ANKRD36B: variants seen among roughly 807,000 people sequenced by gnomAD.
The protein encoded by ANKRD36B is ankyrin repeat domain-containing protein 36B.
ANKRD36B carries 37 observed loss-of-function variants against 135.7 expected under a neutral mutation model. The observed-to-expected ratio is 0.27, with a 90% CI of 0.21 to 0.36. The LOEUF is 0.36. Among genes scored for constraint, ANKRD36B ranks in the 10% least tolerant of loss-of-function variants. The probability of loss-of-function intolerance (pLI) is 1.00; values close to 1 mark genes in which losing one functional copy is unlikely to be tolerated. For missense variants in ANKRD36B, 549 were observed against 1,037.1 expected (o/e 0.53, Z 6.46); for synonymous variants, 179 against 348.1 (o/e 0.51, Z 5.41).
intron 8 of ANKRD36B, among the ~76,000 whole-genome samples, chr2:97,559,966 C>G (rs1318679090): frequency 6.6e-6 from 1 of 151,850 alleles, no homozygotes; most frequent in African/African-American, 2.4e-5. Context: ...GTAAAGTCAA[C>G]AAAACATGTA....
chr2:97,559,903 C>G (rs923509772), intron 8 of ANKRD36B, among the ~76,000 whole-genome samples: 5 of 151,816 alleles, frequency 3.3e-5, no homozygotes, highest in Non-Finnish European at 5.9e-5. Flanking sequence ...AGAGTAAGCT[C>G]CTTGAACAAG....
intron 4 of ANKRD36B, among the ~76,000 whole-genome samples, chr2:97,580,094 G>A (rs1477536013): frequency 6.6e-6 from 1 of 152,176 alleles, no homozygotes; most frequent in Non-Finnish European, 1.5e-5. Flanking sequence ...AAACTAACAT[G>A]AAACCCCTTT....
chr2:97,563,640 G>A (rs75723101), intron 6 of ANKRD36B, among the ~76,000 whole-genome samples: 132 of 151,850 alleles, frequency 8.7e-4, no homozygotes, highest in Middle Eastern at 3.4e-3. Context: ...TTTGACCATC[G>A]GCCATTTCCT....
At chr2:97,547,384 A>T (rs1468354038) in intron 22 of ANKRD36B, 152 bp downstream of exon 22, 2 of 960,536 alleles carry the variant, frequency 2.1e-6, no homozygotes, top group Non-Finnish European at 3.0e-6. Context: ...CAGCAGCAAC[A>T]CTATCACCCA....
intron 6 of ANKRD36B, among the ~76,000 whole-genome samples, chr2:97,563,921 C>T (rs2442261): frequency 6.6e-6 from 1 of 152,080 alleles, no homozygotes; most frequent in Non-Finnish European, 1.5e-5. Flanking sequence ...AATATGCTGC[C>T]ATCATCACAT....
chr2:97,579,969 C>T (rs2082512588), intron 4 of ANKRD36B, among the ~76,000 whole-genome samples: 1 of 152,290 alleles, frequency 6.6e-6, no homozygotes, highest in East Asian at 1.9e-4. Flanking sequence ...TAAACCCAGT[C>T]CTGTGTGAAC....
intron 6 of ANKRD36B, among the ~76,000 whole-genome samples, chr2:97,575,157 T>G (rs944538509): frequency 1.1e-4 from 17 of 152,050 alleles, no homozygotes; most frequent in Non-Finnish European, 2.2e-4. Context: ...ACTCCTCTCC[T>G]ACTTTTCTCT....
At chr2:97,546,206 G>C (rs1576910329) in intron 22 of ANKRD36B, among the ~76,000 whole-genome samples, 1 of 151,694 alleles carries the variant, frequency 6.6e-6, no homozygotes, top group Admixed American at 6.6e-5. Context: ...CAATGTCAAA[G>C]CAGGTGCTAC....
At chr2:97,526,541 A>G (rs1258663879) in intron 35 of ANKRD36B, among the ~76,000 whole-genome samples, 1 of 98,156 alleles carries the variant, frequency 1.0e-5, no homozygotes, top group African/African-American at 3.1e-5. Context: ...GCAATGGAAC[A>G]AAGCTGGACG....
chr2:97,583,101 G>A (rs2082729337), intron 3 of ANKRD36B, among the ~76,000 whole-genome samples: 1 of 145,472 alleles, frequency 6.9e-6, no homozygotes, highest in Non-Finnish European at 1.5e-5. Context: ...GGTTTTCAGT[G>A]TTTAAAACTG....
At position 97,530,976 on chromosome 2, in the gene ANKRD36B, A is replaced by G. The variant is rs1157870329; in HGVS notation, c.2265+1335T>C. On this transcript the variant is annotated intron_variant, in intron 35 of 43. Transcript: ENST00000359901. The stretch of plus-strand genomic sequence containing the variant: ...GTTGGTGGGACTGTAAACTAGTTCA[A>G]CCATTGTGGAAGTCAGTGTGGTGAT... Among the ~76,000 whole-genome samples the G allele has an allele frequency of 4.4e-4, 42 of 96,320 alleles. 11 individuals are homozygous for G. The highest frequency in any genetic ancestry group is 1.2e-3 in the African/African-American group (40 of 32,172). 63.2% of individuals were successfully genotyped at this position (96,320 alleles called of 152,430 possible). A position where few individuals can be genotyped will look rare whatever the true frequency, so the allele number is the denominator to read the frequency against.
intron 6 of ANKRD36B, among the ~76,000 whole-genome samples, chr2:97,575,025 G>C (rs2082135210): frequency 6.6e-6 from 1 of 151,726 alleles, no homozygotes; most frequent in African/African-American, 2.4e-5. Flanking sequence ...TTTGAAAAGG[G>C]TACCGCCAAA....
chr2:97,547,418 C>T, intron 22 of ANKRD36B, 118 bp downstream of exon 22: 5 of 1,130,738 alleles, frequency 4.4e-6, no homozygotes, highest in Non-Finnish European at 6.3e-6. Flanking sequence ...AATGAAGAAT[C>T]TCAGGACTGC....
chr2:97,550,288 T>C (rs1318126671), intron 18 of ANKRD36B, among the ~76,000 whole-genome samples: 16 of 149,844 alleles, frequency 1.1e-4, no homozygotes, highest in Non-Finnish European at 6.0e-5. Flanking sequence ...CAAAGGATAA[T>C]ATATTAGCCT....
At chr2:97,576,800 A>T (rs1047045910) in intron 5 of ANKRD36B, among the ~76,000 whole-genome samples, 2 of 151,950 alleles carry the variant, frequency 1.3e-5, no homozygotes, top group African/African-American at 2.4e-5. Flanking sequence ...AGATTTTACT[A>T]CCTTCTTTCA....
intron 32 of ANKRD36B, among the ~76,000 whole-genome samples, chr2:97,536,897 T>A (rs1373756856): frequency 1.0e-5 from 1 of 96,978 alleles, no homozygotes; most frequent in Non-Finnish European, 2.7e-5. Flanking sequence ...TATACCAGTA[T>A]AACATAAACA....
chr2:97,577,861 G>T (rs2082326824), intron 5 of ANKRD36B, among the ~76,000 whole-genome samples: 1 of 151,902 alleles, frequency 6.6e-6, no homozygotes, highest in African/African-American at 2.4e-5. Flanking sequence ...TCTAAGGAAG[G>T]ATGGCATAGA....
At position 97,540,190 on chromosome 2, in the gene ANKRD36B, A is replaced by G. The variant is rs2079083281; in HGVS notation, c.1914+11T>C. On this transcript the variant is annotated intron_variant, in intron 29 of 43. Transcript: ENST00000359901. ...ATTACTAGTTCACAATATAAATAAG[A>G]GTTTAATTACCTTCAAGGCTGGTCG... The G allele has an allele frequency of 2.1e-6, 2 of 965,744 alleles. 1 individual carries two copies. Among genetic ancestry groups the G allele is most frequent in the Admixed American group, 4.2e-5 (2 of 48,144 alleles). The allele number at this position is 965,744 out of a possible 1,614,324, so 59.8% of individuals were successfully genotyped here.
rs1455957010 is a variant in ANKRD36B, at chr2:97,539,243, T to G, written c.1987+791A>C. Among the ~76,000 whole-genome samples, 5 of 97,400 alleles carry G rather than the reference T, an allele frequency of 5.1e-5. 2 individuals carry two copies. The highest frequency in any genetic ancestry group is 1.4e-4 in the Non-Finnish European group (5 of 36,454). The allele number at this position is 97,400 out of a possible 152,430, so 63.9% of individuals were successfully genotyped here. A position where few individuals can be genotyped will look rare whatever the true frequency, so the allele number is the denominator to read the frequency against. On this transcript the variant is annotated intron_variant, in intron 30 of 43. Coordinates refer to ENST00000359901, the MANE Select transcript of ANKRD36B (RefSeq NM_001393939.1). ...TCTGGTTTGAAGTATCATGTTACTCTCTAAAGCATTTTCATTAAATTGCTA... is the reference window on the plus strand; with the variant it reads ...TCTGGTTTGAAGTATCATGTTACTCGCTAAAGCATTTTCATTAAATTGCTA...
Sources: gnomAD v4.1 joint callset for allele counts (sites outside exome capture counted in the v4.1 genomes callset) on GRCh38, gnomAD v4.1.1 for gene constraint, MANE v1.5 for transcripts, NCBI Gene and HGNC (gene_info 2026-07-23, HGNC 2026-07-21) for gene names.